REL: variants seen among roughly 807,000 people sequenced by gnomAD.
The protein encoded by REL is REL proto-oncogene, NF-kB subunit, also known as proto-oncogene c-Rel.
REL carries 15 observed loss-of-function variants against 45.9 expected under a neutral mutation model. The observed-to-expected ratio is 0.33, with a 90% CI of 0.22 to 0.50. The LOEUF is 0.50. REL is among the 20% of genes least tolerant of loss of function. REL has a pLI of 0.98. For synonymous variants in REL, 239 were observed against 242.1 expected, an observed-to-expected ratio of 0.99 and a Z score of 0.12; for missense variants, 601 against 715.2, an observed-to-expected ratio of 0.84 and a Z score of 1.82.
chr2:60,927,377 CCA>C lies in REL; in HGVS notation c.*4852_*4853del. The C allele has an allele frequency of 1.3e-5, 3 of 231,654 alleles. No individual in the cohort carries two copies. The highest frequency in any genetic ancestry group is 1.7e-5 in the Non-Finnish European group (2 of 116,978). The allele number at this position is 231,654 out of a possible 1,614,324, so 14.3% of individuals were successfully genotyped here. On this transcript the variant is annotated 3_prime_UTR_variant, in exon 10 of 10. Transcript: ENST00000394479. ...CTTGACCTGCTGCTTCCCTTTTTTA[CCA>C]CACACACACGCACACATACCACAGC...
At chr2:60,901,996 A>G (rs1398290453) in intron 4 of REL, among the ~76,000 whole-genome samples, 1 of 152,128 alleles carries the variant, frequency 6.6e-6, no homozygotes, top group Non-Finnish European at 1.5e-5. Context: ...AGCACTCTGT[A>G]TTGTTTGAAT....
chr2:60,915,244 C>G (rs1390135930), intron 4 of REL, among the ~76,000 whole-genome samples: 1 of 152,180 alleles, frequency 6.6e-6, no homozygotes, highest in African/African-American at 2.4e-5. Flanking sequence ...GAACATCTAG[C>G]TACAAATTTA....
At chr2:60,897,243 T>A (rs540000362) in intron 3 of REL, among the ~76,000 whole-genome samples, 1 of 152,236 alleles carries the variant, frequency 6.6e-6, no homozygotes, top group East Asian at 1.9e-4. Context: ...TCATCTTTCT[T>A]TGAGCACTTT....
intron 4 of REL, among the ~76,000 whole-genome samples, chr2:60,909,871 C>G (rs1174777399): frequency 1.3e-5 from 2 of 152,028 alleles, no homozygotes; most frequent in East Asian, 3.9e-4. Context: ...CCACTGCACT[C>G]CAGCCTGGCG....
chr2:60,890,849 A>G (rs1673191571), intron 1 of REL, among the ~76,000 whole-genome samples: 1 of 152,112 alleles, frequency 6.6e-6, no homozygotes, highest in African/African-American at 2.4e-5. Flanking sequence ...CGTTCATTGT[A>G]TATTACTTTA....
intron 3 of REL, among the ~76,000 whole-genome samples, chr2:60,897,927 T>C (rs929546302): frequency 6.6e-6 from 1 of 151,582 alleles, no homozygotes; most frequent in Admixed American, 6.6e-5. Flanking sequence ...ACTGTGATCA[T>C]ATCTCTTTCC....
chr2:60,887,192 A>G (rs1172585896), intron 1 of REL, among the ~76,000 whole-genome samples: 3 of 152,234 alleles, frequency 2.0e-5, no homozygotes, highest in African/African-American at 4.8e-5. Context: ...GGTGCATTGT[A>G]CTGATGCATT....
In REL at chr2:60,931,304, A is replaced by G. The variant is rs1674377877; in HGVS notation, c.*8769A>G. On this transcript the variant is annotated 3_prime_UTR_variant, in exon 10 of 10. Coordinates refer to ENST00000394479, the MANE Select transcript of REL (RefSeq NM_001291746.2). ...CCCTTTAGAAGTGATTTCTGTTTTA[A>G]AAGTATGTACTTAAAATACCTTTGG... 1 of 152,346 alleles carries G rather than the reference A, an allele frequency of 6.6e-6. No homozygotes were observed. The highest frequency in any genetic ancestry group is 1.9e-4 in the East Asian group (1 of 5,334). The allele number at this position is 152,346 out of a possible 1,614,324, so 9.4% of individuals were successfully genotyped here.
At chr2:60,884,983 A>G (rs1451403584) in intron 1 of REL, among the ~76,000 whole-genome samples, 1 of 152,180 alleles carries the variant, frequency 6.6e-6, no homozygotes, top group Admixed American at 6.5e-5. Context: ...GCCACACATG[A>G]GCATGAATGT....
chr2:60,892,131 T>A (rs1673230750), intron 2 of REL, among the ~76,000 whole-genome samples: 1 of 152,188 alleles, frequency 6.6e-6, no homozygotes, highest in Non-Finnish European at 1.5e-5. Context: ...TTCTTTTTCA[T>A]GGAACACAGA....
Position 60,930,901 on chromosome 2 carries a change from A to G in REL, c.*8366A>G, listed in dbSNP as rs1406017565. ...CACTTGTGTGTGAATAGTAATACAC[A>G]GTAATTAGTACAGCATGTTGCTTCT... On this transcript the variant is annotated 3_prime_UTR_variant, in exon 10 of 10. Coordinates refer to ENST00000394479, the MANE Select transcript of REL (RefSeq NM_001291746.2). 1 of 152,372 alleles carries G rather than the reference A, an allele frequency of 6.6e-6. No individual in the cohort carries two copies. The highest frequency in any genetic ancestry group is 1.5e-5 in the Non-Finnish European group (1 of 68,036). The allele number at this position is 152,372 out of a possible 1,614,324, so 9.4% of individuals were successfully genotyped here.
intron 4 of REL, among the ~76,000 whole-genome samples, chr2:60,915,462 A>G (rs1424116816): frequency 2.0e-5 from 3 of 152,188 alleles, no homozygotes; most frequent in Non-Finnish European, 4.4e-5. Flanking sequence ...ATGTGTTTTT[A>G]TGCACTGTTT....
intron 4 of REL, among the ~76,000 whole-genome samples, chr2:60,903,392 A>T (rs1673551181): frequency 6.6e-6 from 1 of 152,112 alleles, no homozygotes; most frequent in South Asian, 2.1e-4. Flanking sequence ...GCAGCTCAGA[A>T]TCAGGCTTGT....
At chr2:60,908,729 A>G (rs1400823371) in intron 4 of REL, among the ~76,000 whole-genome samples, 4 of 152,232 alleles carry the variant, frequency 2.6e-5, no homozygotes, top group Non-Finnish European at 4.4e-5. Context: ...TTTGTGCAAT[A>G]AAATTGATTT....
At chr2:60,918,685 G>T in intron 7 of REL, 79 bp downstream of exon 7, 1 of 989,882 alleles carries the variant, frequency 1.0e-6, no homozygotes, top group South Asian at 1.3e-5. Context: ...ATATTCATTT[G>T]AGTACAGTTA....
At position 60,921,822 on chromosome 2, in the gene REL, C is replaced by G. The variant is rs763163128; in HGVS notation, c.1051C>G (p.Gln351Glu). The G allele has an allele frequency of 6.2e-7, 1 of 1,614,040 alleles. No homozygotes were observed. Among genetic ancestry groups the G allele is most frequent in the Non-Finnish European group, 8.5e-7 (1 of 1,179,964 alleles). ...VREMPTGVSS[Q>E]AESYYPSPGP... is the part of the protein sequence containing the mutation. ...AGAAATGCCTACAGGGGTTTCAAGT[C>G]AAGCAGAATCCTACTATCCCTCACC... Residue 351 changes from glutamine (Q) to glutamate (E), a missense_variant, in exon 10 of 10, where the codon CAA becomes GAA. Physicochemically the swap from Gln to Glu is conservative, Grantham distance 29. Around this residue, in one of 4 missense-constraint regions of REL, gnomAD observed 334 missense variants for 333.1 expected, o/e 1.00. Transcript: ENST00000394479.
At position 60,922,499 on chromosome 2, in the gene REL, G is replaced by A; in HGVS notation, c.1728G>A (p.Leu576=). Residue 576 remains leucine (L), a synonymous_variant, in exon 10 of 10, where the codon TTG becomes TTA. Transcript: ENST00000394479. ...SGIGSMQNEQ[L]SDSFPYEFFQ... ...TTGGCAGTATGCAAAATGAGCAATT[G>A]AGTGACTCCTTTCCATATGAATTTT... 6.2e-7 allele frequency: 1 copy of A among 1,608,766 alleles called. No homozygotes were observed. Among genetic ancestry groups the A allele is most frequent in the South Asian group, 1.1e-5 (1 of 89,886 alleles).
At position 60,898,819 on chromosome 2, in the gene REL, C is replaced by G. The variant is rs200753607; in HGVS notation, c.303-2173C>G. Among the ~76,000 whole-genome samples the G allele has an allele frequency of 5.9e-5, 9 of 152,356 alleles. No individual in the cohort carries two copies. In the East Asian group the frequency reaches 1.3e-3, roughly 23 times the overall value. On this transcript the variant is annotated intron_variant, in intron 3 of 9. Transcript: ENST00000394479. ...GAGTTACAGTTTGCCAATCTTTCCA[C>G]TAGACTGTAAGCTTCTTGAGGAAAG...
Position 60,916,960 on chromosome 2 carries a change from C to T in REL, c.478C>T (p.His160Tyr). 1 of 1,613,192 alleles carries T rather than the reference C, an allele frequency of 6.2e-7. No homozygotes were observed. Among genetic ancestry groups the T allele is most frequent in the South Asian group, 1.1e-5 (1 of 91,042 alleles). Residue 160 changes from histidine (H) to tyrosine (Y), a missense_variant, in exon 5 of 10, where the codon CAT becomes TAT. His to Tyr is a moderately conservative substitution (Grantham distance 83). Transcript: ENST00000394479. ...LCFQVFLPDE[H>Y]GNLTTALPPV... ...TTTTCAAGTTTTTCTCCCTGATGAA[C>T]ATGGTAATTTGACGACTGCTCTTCC...
Sources: allele counts gnomAD v4.1 joint callset (sites outside exome capture counted in the v4.1 genomes callset), GRCh38; gene constraint gnomAD v4.1.1; regional missense constraint gnomAD v4.1.1; transcripts MANE v1.5; gene names NCBI Gene and HGNC (gene_info 2026-07-23, HGNC 2026-07-21).